The following POSTN variants were observed in gnomAD, a reference collection of about 807,000 sequenced individuals.
POSTN encodes periostin, also known as osteoblast specific factor 2 (fasciclin I-like).
In POSTN, 71 loss-of-function variants were observed where a neutral mutation model predicts 104.5. The ratio of observed to expected loss-of-function variants is 0.68; its 90% CI spans 0.56 to 0.83. The LOEUF is 0.83. Ranked by LOEUF, POSTN falls within the 40% of genes least tolerant of loss-of-function variation. The pLI, the probability that POSTN is intolerant of heterozygous loss-of-function variation, is 0.00. For missense variants in POSTN, 949 were observed against 1,006.8 expected (o/e 0.94, Z 0.78); for synonymous variants, 355 against 340.7 (o/e 1.04, Z -0.46).
intron 4 of POSTN, 99 bp downstream of exon 4, chr13:37,590,273 A>T: frequency 1.0e-6 from 1 of 957,734 alleles, no homozygotes; most frequent in Non-Finnish European, 1.5e-6. Context: ...TACAATAGAA[A>T]GATATAAAAT....
chr13:37,573,979 GTAA>G (rs1203201793), intron 17 of POSTN, among the ~76,000 whole-genome samples: 7 of 151,548 alleles, frequency 4.6e-5, no homozygotes, highest in African/African-American at 1.5e-4. Flanking sequence ...ACGTCTGTAT[GTAA>G]TAATATGTTC....
At chr13:37,586,703 G>A (rs978143968) in intron 6 of POSTN, 79 bp downstream of exon 6, 2 of 1,406,522 alleles carry the variant, frequency 1.4e-6, no homozygotes, top group African/African-American at 1.5e-5. Context: ...AGATTTAATA[G>A]CATTTTTATT....
rs1950352477 is a variant in POSTN, at chr13:37,574,570, AC to A, written c.2089+1del. The A allele has an allele frequency of 6.3e-7, 1 of 1,589,694 alleles. No individual in the cohort carries two copies. The highest frequency in any genetic ancestry group is 1.8e-5 in the Admixed American group (1 of 54,306). On this transcript the variant is annotated splice_donor_variant, in intron 17 of 22. Coordinates refer to ENST00000379747, the MANE Select transcript of POSTN (RefSeq NM_006475.3). LOFTEE classifies it high-confidence loss of function. ...GGAACCATGTATAACATTGATTTTTACCTTCAGTTTTGATAATAGGCTGAAG... is the reference window on the plus strand; with the variant it reads ...GGAACCATGTATAACATTGATTTTTACTTCAGTTTTGATAATAGGCTGAAG...
intron 8 of POSTN, 44 bp downstream of exon 8, chr13:37,584,672 C>T: frequency 6.8e-7 from 1 of 1,472,798 alleles, no homozygotes; most frequent in Non-Finnish European, 9.4e-7. Context: ...TAGTAAATTA[C>T]AGTAAGTAAA....
At chr13:37,564,181 CATATATATATATATATATAT>C (rs71093693) in intron 22 of POSTN, among the ~76,000 whole-genome samples, 130 of 49,854 alleles carry the variant, frequency 2.6e-3, no homozygotes, top group Non-Finnish European at 4.2e-3. Context: ...CAAAACATTA[CATATATATATATATATATAT>C]ATATATATAT....
At chr13:37,566,271 C>A (rs1950096925) in intron 21 of POSTN, among the ~76,000 whole-genome samples, 1 of 152,100 alleles carries the variant, frequency 6.6e-6, no homozygotes, top group Non-Finnish European at 1.5e-5. Flanking sequence ...GCACAAAGAA[C>A]CACCCTACAT....
intron 6 of POSTN, 119 bp from the exon 7 acceptor site, chr13:37,586,399 TG>T: frequency 9.4e-7 from 1 of 1,063,658 alleles, no homozygotes; most frequent in African/African-American, 1.6e-5. Flanking sequence ...GGTTTGTTGT[TG>T]TTAAATCTTC....
chr13:37,579,826 GA>G (rs1349017466), intron 12 of POSTN, 34 bp downstream of exon 12: 1 of 1,594,610 alleles, frequency 6.3e-7, no homozygotes, highest in African/African-American at 1.3e-5. Flanking sequence ...ATCCTGAAAT[GA>G]AAGGGAAAAT....
At chr13:37,563,883 T>C (rs969435523) in intron 22 of POSTN, among the ~76,000 whole-genome samples, 2 of 151,962 alleles carry the variant, frequency 1.3e-5, no homozygotes, top group African/African-American at 4.8e-5. Flanking sequence ...GTGGAGGAAT[T>C]AGCAAATGCA....
rs757645329 is a variant in POSTN, at chr13:37,579,002, G to A, written c.1894+17C>T. 41 of 1,609,954 alleles carry A rather than the reference G, an allele frequency of 2.5e-5. No individual in the cohort carries two copies. Among genetic ancestry groups the A allele is most frequent in the Non-Finnish European group, 3.4e-5 (40 of 1,178,254 alleles). On this transcript the variant is annotated intron_variant, in intron 14 of 22. Coordinates refer to ENST00000379747, the MANE Select transcript of POSTN (RefSeq NM_006475.3). ...AAAAAAAGACTTAGCCTATCAATGA[G>A]TTCAATAATTACAAACCTGCTGGAT...
At chr13:37,571,550 T>G in intron 17 of POSTN, 92 bp from the exon 18 acceptor site, 1 of 914,194 alleles carries the variant, frequency 1.1e-6, no homozygotes. Context: ...TCGGTGTGAC[T>G]CAACTCAAAT....
At chr13:37,583,895 T>C in intron 9 of POSTN, 74 bp downstream of exon 9, 1 of 1,525,554 alleles carries the variant, frequency 6.6e-7, no homozygotes, top group Non-Finnish European at 8.9e-7. Context: ...TTATTGTTTC[T>C]TATTGCAAAC....
chr13:37,571,410 A>G lies in POSTN; in HGVS notation c.2138T>C (p.Leu713Pro), dbSNP rs772026306. ...VKIEGEPEFR[L>P]IKEGETITEV... ...AGTTATTGTTTCACCTTCTTTAATC[A>G]GTCTGAATTCAGGTTCACCTTCAAT... Residue 713 changes from leucine (L) to proline (P), a missense_variant, in exon 18 of 23, where the codon CTG becomes CCG. Physicochemically the swap from Leu to Pro is moderately conservative, Grantham distance 98. Transcript: ENST00000379747. 1.2e-6 allele frequency: 2 copies of G among 1,610,640 alleles called. No homozygotes were observed. Among genetic ancestry groups the G allele is most frequent in the Admixed American group, 1.7e-5 (1 of 59,872 alleles).
chr13:37,574,222 C>G (rs552376133), intron 17 of POSTN, among the ~76,000 whole-genome samples: 11 of 151,046 alleles, frequency 7.3e-5, no homozygotes, highest in Middle Eastern at 3.4e-3. Context: ...TGGGAGATTG[C>G]AAACAAAGCA....
At position 37,579,951 on chromosome 13, in the gene POSTN, G is replaced by A. The variant is rs769131199; in HGVS notation, c.1570C>T (p.Leu524Phe). ...GTCCAGTCTCCAGGTTGTGTCAGGA[G>A]CTCTTTCAAGTCTGCAGCTTCAAGT... ...SLLEAADLKELLTQPGDWTLF... is the reference protein window; with the variant it reads ...SLLEAADLKEFLTQPGDWTLF... Residue 524 changes from leucine to phenylalanine, a missense_variant, in exon 12 of 23, where the codon CTC (leucine) becomes TTC (phenylalanine). Physicochemically the swap from Leu to Phe is conservative, Grantham distance 22 (BLOSUM62 0). Transcript: ENST00000379747. The A allele has an allele frequency of 4.3e-6, 7 of 1,613,342 alleles. No individual in the cohort carries two copies. The African/African-American group carries it at 5.3e-5, about 12-fold the overall frequency.
In POSTN at chr13:37,586,207, T is replaced by C. The variant is rs770714861; in HGVS notation, c.827A>G (p.Asn276Ser). 11 of 1,613,738 alleles carry C rather than the reference T, an allele frequency of 6.8e-6. No individual in the cohort carries two copies. The highest frequency in any genetic ancestry group is 3.3e-5 in the Admixed American group (2 of 59,978). ...DGHFTLFAPT[N>S]EAFEKLPRGV... is the part of the protein sequence containing the mutation. ...TCGTGGAAGTTTCTCAAAAGCCTCATTGGTGGGAGCAAAGAGTGTGAAGTG... is the reference window on the plus strand; with the variant it reads ...TCGTGGAAGTTTCTCAAAAGCCTCACTGGTGGGAGCAAAGAGTGTGAAGTG... The change falls in exon 7 of 23, where the codon AAT becomes AGT. Residue 276 changes from asparagine (N) to serine (S), a missense_variant. Transcript: ENST00000379747.
At chr13:37,598,524 A>G (rs555499456) in intron 1 of POSTN, 84 bp downstream of exon 1, 4 of 1,259,244 alleles carry the variant, frequency 3.2e-6, no homozygotes, top group Non-Finnish European at 3.3e-6. Context: ...CCTGAGGCAT[A>G]TATGAGAAAC....
chr13:37,574,773 T>A (rs976946470), intron 16 of POSTN, 121 bp from the exon 17 acceptor site: 4 of 1,264,988 alleles, frequency 3.2e-6, no homozygotes, highest in Middle Eastern at 2.8e-4. Context: ...TGTGGTAATA[T>A]GTTCAGGCAG....
intron 2 of POSTN, 125 bp from the exon 3 acceptor site, chr13:37,592,289 T>TC: frequency 7.7e-6 from 4 of 521,866 alleles, no homozygotes; most frequent in Admixed American, 3.7e-5. Flanking sequence ...AGGTTTTTTT[T>TC]CCCCCCTGAT....
Sources: gnomAD v4.1 joint callset for allele counts (sites outside exome capture counted in the v4.1 genomes callset) on GRCh38, gnomAD v4.1.1 for gene constraint, MANE v1.5 for transcripts, NCBI Gene and HGNC (gene_info 2026-07-23, HGNC 2026-07-21) for gene names.